Variants in SIRPB2 observed in about 807,000 individuals in gnomAD.
The protein encoded by SIRPB2 is signal regulatory protein beta 2, also known as signal-regulatory protein beta-2.
In SIRPB2, 18 loss-of-function variants were observed where a neutral mutation model predicts 27.1. The ratio of observed to expected loss-of-function variants is 0.66; its 90% CI spans 0.46 to 0.98. The LOEUF is 0.98. SIRPB2 is among the 50% of genes least tolerant of loss of function. The probability of loss-of-function intolerance (pLI) is 0.00; values close to 1 mark genes in which losing one functional copy is unlikely to be tolerated. For missense variants in SIRPB2, 420 were observed against 417.4 expected, an observed-to-expected ratio of 1.01 and a Z score of -0.06; for synonymous variants, 150 against 164.6, an observed-to-expected ratio of 0.91 and a Z score of 0.68.
At chr20:1,473,233 A>G (rs573905633), downstream of SIRPB2, 4 of 152,376 alleles carry the variant, frequency 2.6e-5, no homozygotes, top group South Asian at 2.1e-4. Flanking sequence ...TCAGCTTTCA[A>G]CCACGTTTCA....
rs1470585460 is a variant in SIRPB2 at position 1,481,188 on chromosome 20, A to AT, written c.86-1124dup. 3.3e-5 allele frequency among the ~76,000 whole-genome samples: 5 copies of AT among 151,682 alleles called. No individual in the cohort carries two copies. The East Asian group carries it at 5.8e-4, about 18-fold the overall frequency. On this transcript the variant is annotated intron_variant, in intron 1 of 4. Coordinates refer to ENST00000359801, the MANE Select transcript of SIRPB2 (RefSeq NM_001122962.2). ...CCATTTATTATTTATTTATTTTTTA[A>AT]TTTTTTTTGTAGTGATGGGGTCTCA...
intron 1 of SIRPB2, among the ~76,000 whole-genome samples, chr20:1,490,271 C>T (rs2090765455): frequency 1.3e-5 from 2 of 152,112 alleles, no homozygotes; most frequent in African/African-American, 4.8e-5. Flanking sequence ...TAAGGGAGCA[C>T]CTAGGTCCGA....
At chr20:1,484,005 T>C (rs1684528170) in intron 1 of SIRPB2, among the ~76,000 whole-genome samples, 1 of 152,204 alleles carries the variant, frequency 6.6e-6, no homozygotes, top group Non-Finnish European at 1.5e-5. Flanking sequence ...ATAGAATACA[T>C]AGACCAATGG....
In SIRPB2 at chr20:1,476,119, C is replaced by A; in HGVS notation, c.*48G>T. On this transcript the variant is annotated 3_prime_UTR_variant, in exon 5 of 5. Transcript: ENST00000359801. ...TGGAGGTAGGGAAATGGTTGAGGAG[C>A]CCTGGCTCCTCTCCAACTCAGAGGG... 4 of 1,595,922 alleles carry A rather than the reference C, an allele frequency of 2.5e-6. No individual in the cohort carries two copies. In the African/African-American group the frequency reaches 5.4e-5, roughly 22 times the overall value.
At position 1,479,902 on chromosome 20, in the gene SIRPB2, T is replaced by A. The variant is rs1568645411; in HGVS notation, c.249A>T (p.Glu83Asp). ...AGGAGCCACGTTTAAAGTTATAAATTTCCTGTTGGTCCTGAGTGCTCACCT... is the reference window on the plus strand; with the variant it reads ...AGGAGCCACGTTTAAAGTTATAAATATCCTGTTGGTCCTGAGTGCTCACCT... ...WVKVSTQDQQ[E>D]IYNFKRGSFP... Residue 83 changes from glutamate to aspartate, a missense_variant, in exon 2 of 5, where the codon GAA (glutamate) becomes GAT (aspartate). Physicochemically the swap from Glu to Asp is conservative, Grantham distance 45. Coordinates refer to ENST00000359801, the MANE Select transcript of SIRPB2 (RefSeq NM_001122962.2). The A allele has an allele frequency of 3.7e-6, 6 of 1,614,116 alleles. No individual in the cohort carries two copies. The highest frequency in any genetic ancestry group is 5.1e-6 in the Non-Finnish European group (6 of 1,180,050).
rs1340832856 is a variant in SIRPB2, at chr20:1,491,404, T to A, written c.-45A>T. The A allele has an allele frequency of 2.6e-6, 4 of 1,560,926 alleles. No individual in the cohort carries two copies. The highest frequency in any genetic ancestry group is 3.5e-6 in the Non-Finnish European group (4 of 1,151,800). The stretch of plus-strand genomic sequence containing the variant: ...AAGACTTGGGGCTCCTCTGCTCTCT[T>A]GTGAGTGTTGGAGTCTGAGGCGGGG... On this transcript the variant is annotated 5_prime_UTR_variant, in exon 1 of 5. Transcript: ENST00000359801.
intron 1 of SIRPB2, among the ~76,000 whole-genome samples, chr20:1,487,978 C>T (rs761741480): frequency 6.6e-5 from 10 of 152,088 alleles, no homozygotes; most frequent in South Asian, 2.1e-4. Context: ...AAATGTTAAA[C>T]GATACAACTT....
At chr20:1,490,361 A>T (rs2090766199) in intron 1 of SIRPB2, among the ~76,000 whole-genome samples, 1 of 152,158 alleles carries the variant, frequency 6.6e-6, no homozygotes, top group Non-Finnish European at 1.5e-5. Context: ...CAGAATCTAG[A>T]TCTCAGTAGA....
chr20:1,480,798 T>G (rs1600013740), intron 1 of SIRPB2, among the ~76,000 whole-genome samples: 1 of 152,320 alleles, frequency 6.6e-6, no homozygotes, highest in East Asian at 1.9e-4. Context: ...TCTGGCACAC[T>G]CAGACATCAC....
At chr20:1,479,516 C>G in intron 2 of SIRPB2, 184 bp downstream of exon 2, 1 of 917,544 alleles carries the variant, frequency 1.1e-6, no homozygotes, top group Non-Finnish European at 1.7e-6. Context: ...CCAGCCTGGG[C>G]TCTGGCATGA....
At position 1,478,425 on chromosome 20, in the gene SIRPB2, G is replaced by T; in HGVS notation, c.634C>A (p.His212Asn). 6.2e-7 allele frequency: 1 copy of T among 1,614,110 alleles called. No individual in the cohort carries two copies. Among genetic ancestry groups the T allele is most frequent in the Non-Finnish European group, 8.5e-7 (1 of 1,179,994 alleles). The change falls in exon 3 of 5, where the codon CAC (histidine) becomes AAC (asparagine). Residue 212 changes from histidine (H) to asparagine (N), a missense_variant. By Grantham distance (68) the His-to-Asn change is moderately conservative (BLOSUM62 1). Coordinates refer to ENST00000359801, the MANE Select transcript of SIRPB2 (RefSeq NM_001122962.2). ...GCCTGCACCGCTGTCTCCTTGGGGT[G>T]GGAGATGCCTCCAAAGTTGTAAATG... The part of the protein sequence containing the change: ...EAIYNFGGIS[H>N]PKETAVQASN...
At position 1,477,119 on chromosome 20, in the gene SIRPB2, A is replaced by G. The variant is rs2090613115; in HGVS notation, c.859+219T>C. 2.6e-6 allele frequency: 4 copies of G among 1,518,324 alleles called. No individual in the cohort carries two copies. In the African/African-American group the frequency reaches 5.5e-5, roughly 21 times the overall value. 94.1% of individuals were successfully genotyped at this position (1,518,324 alleles called of 1,614,324 possible). ...TCTCAAACAACATTTCCCACTAAAC[A>G]GTTACATGGCCCTGGCTATGAGAAA... is the stretch of plus-strand genomic sequence containing the variant. On this transcript the variant is annotated intron_variant, in intron 4 of 4. Coordinates refer to ENST00000359801, the MANE Select transcript of SIRPB2 (RefSeq NM_001122962.2).
At chr20:1,482,395 G>A (rs898785891) in intron 1 of SIRPB2, among the ~76,000 whole-genome samples, 3 of 152,016 alleles carry the variant, frequency 2.0e-5, no homozygotes, top group East Asian at 1.9e-4. Context: ...CTCTCCCTGA[G>A]ACCCATCACC....
intron 1 of SIRPB2, among the ~76,000 whole-genome samples, chr20:1,480,973 G>C (rs542944694): frequency 6.6e-6 from 1 of 152,164 alleles, no homozygotes. Context: ...ACTGCAGTTC[G>C]TGTTAATGTG....
rs1377919612 is a variant in SIRPB2, at chr20:1,479,472, A to T, written c.451+228T>A. On this transcript the variant is annotated intron_variant, in intron 2 of 4. Coordinates refer to ENST00000359801, the MANE Select transcript of SIRPB2 (RefSeq NM_001122962.2). ...CTGGGCTTCTGCTTCTGCCATCTTT[A>T]TGAGAAAACATGCCCCACATAGTTG... is the stretch of plus-strand genomic sequence containing the variant. 15 of 628,372 alleles carry T rather than the reference A, an allele frequency of 2.4e-5. No individual in the cohort carries two copies. The East Asian group carries it at 4.2e-4, about 18-fold the overall frequency. The allele number at this position is 628,372 out of a possible 1,614,324, so 38.9% of individuals were successfully genotyped here.
intron 1 of SIRPB2, among the ~76,000 whole-genome samples, chr20:1,483,506 A>AT (rs932302862): frequency 6.6e-6 from 1 of 151,986 alleles, no homozygotes; most frequent in Non-Finnish European, 1.5e-5. Flanking sequence ...TGTTGAGCAT[A>AT]TTTTTTCATA....
At chr20:1,480,839 C>A (rs1194265426) in intron 1 of SIRPB2, among the ~76,000 whole-genome samples, 1 of 152,206 alleles carries the variant, frequency 6.6e-6, no homozygotes, top group Non-Finnish European at 1.5e-5. Context: ...TTGATTCAAG[C>A]CCTCTCAACC....
downstream of SIRPB2, chr20:1,472,669 GTTA>G (rs1362034335): frequency 3.3e-5 from 5 of 152,210 alleles, no homozygotes; most frequent in African/African-American, 1.2e-4. Context: ...AGACACGCAT[GTTA>G]TTACCAGTTT....
intron 1 of SIRPB2, chr20:1,480,557 A>T (rs1936667873): frequency 6.2e-6 from 1 of 161,658 alleles, no homozygotes; most frequent in African/African-American, 2.4e-5. Context: ...GTTGGGCCTT[A>T]ATCTCACCCA....
Sources: allele counts gnomAD v4.1 joint callset (sites outside exome capture counted in the v4.1 genomes callset), GRCh38; gene constraint gnomAD v4.1.1; transcripts MANE v1.5; gene names NCBI Gene and HGNC (gene_info 2026-07-23, HGNC 2026-07-21).